NCOR1: variants seen among roughly 807,000 people sequenced by gnomAD.
NCOR1 encodes the protein nuclear receptor corepressor 1.
Under a neutral mutation model 288.1 loss-of-function variants are expected in NCOR1, and 63 were observed. That is an observed-to-expected ratio of 0.22 (90% CI 0.18 to 0.27). NCOR1 has a LOEUF of 0.27. Ranked by LOEUF, NCOR1 falls within the 10% of genes least tolerant of loss-of-function variation. The pLI is 1.00. For missense variants in NCOR1, 2,397 were observed against 3,019.2 expected (o/e 0.79, Z 4.83); for synonymous variants, 1,007 against 1,065.9 (o/e 0.94, Z 1.08).
intron 10 of NCOR1, among the ~76,000 whole-genome samples, chr17:16,145,002 C>A (rs1484913585): frequency 6.6e-6 from 1 of 152,228 alleles, no homozygotes; most frequent in Admixed American, 6.5e-5. Context: ...CTTGCTGCAA[C>A]CTCCCTGCCT....
intron 37 of NCOR1, among the ~76,000 whole-genome samples, chr17:16,059,399 T>C (rs1055443791): frequency 5.9e-5 from 9 of 152,216 alleles, no homozygotes; most frequent in Non-Finnish European, 8.8e-5. Context: ...CAAACATTAA[T>C]AATTTTTTAG....
At chr17:16,040,648 A>AT (rs761392010) in intron 42 of NCOR1, 154 bp from the exon 43 acceptor site, 16,603 of 622,820 alleles carry the variant, frequency 0.027, 106 homozygotes, top group African/African-American at 0.069. Flanking sequence ...AAATGGAAGT[A>AT]TTTTTTTTTT....
rs1268219572 is a variant in NCOR1 at position 16,215,497 on chromosome 17, C to A, written c.-206G>T. 2.5e-6 allele frequency: 1 copy of A among 398,568 alleles called. No homozygotes were observed. Among genetic ancestry groups the A allele is most frequent in the Middle Eastern group, 6.2e-4 (1 of 1,608 alleles). 24.7% of individuals were successfully genotyped at this position (398,568 alleles called of 1,614,324 possible). On this transcript the variant is annotated 5_prime_UTR_variant, in exon 1 of 46. Coordinates refer to ENST00000268712, the MANE Select transcript of NCOR1 (RefSeq NM_006311.4). ...CTCACTCCAGCCGCCGCCGCCGCCG[C>A]GGCTGCTGCTTCGCCACCTTGGCCG...
At chr17:16,035,987 T>C (rs2056276535) in intron 44 of NCOR1, among the ~76,000 whole-genome samples, 1 of 152,246 alleles carries the variant, frequency 6.6e-6, no homozygotes, top group Non-Finnish European at 1.5e-5. Context: ...ATTACAAATG[T>C]CGTTAATAGC....
At chr17:16,156,466 C>A (rs1046363669) in intron 6 of NCOR1, among the ~76,000 whole-genome samples, 64 of 84,300 alleles carry the variant, frequency 7.6e-4, no homozygotes, top group Admixed American at 8.0e-4. Flanking sequence ...AGAAGGAAAG[C>A]GAAAAAAAAA....
chr17:16,038,090 A>G (rs1016958828), intron 44 of NCOR1, among the ~76,000 whole-genome samples: 1 of 152,186 alleles, frequency 6.6e-6, no homozygotes, highest in Non-Finnish European at 1.5e-5. Context: ...TAAGACCTCT[A>G]ATCTCTTTAA....
At position 16,120,797 on chromosome 17, in the gene NCOR1, T is replaced by C. The variant is rs976760663; in HGVS notation, c.1852+255A>G. 8.5e-5 allele frequency among the ~76,000 whole-genome samples: 13 copies of C among 152,168 alleles called. 1 individual carries two copies. The highest frequency in any genetic ancestry group is 1.8e-4 in the Non-Finnish European group (12 of 68,028). On this transcript the variant is annotated intron_variant, in intron 16 of 45. Transcript: ENST00000268712. ...CACAGCCATTAAAAAATAAAAATGGTAATTATTAGAAATTAGAAAATATTT... is the reference window on the plus strand; with the variant it reads ...CACAGCCATTAAAAAATAAAAATGGCAATTATTAGAAATTAGAAAATATTT...
rs201235923 is a variant in NCOR1 at position 16,146,460 on chromosome 17, G to C, written c.998C>G (p.Ala333Gly). ...GTATTCCCTTGTTTTGCTTTCTTTA[G>C]CTTTCCTCCGAGGATTATTTTCTAT... ...DRIENNPRRK[A>G]KESKTREYYE... Residue 333 changes from alanine to glycine, a missense_variant, in exon 10 of 46, where the codon GCT becomes GGT. Ala to Gly is a moderately conservative substitution (Grantham distance 60). This residue lies in a region of NCOR1 where 51 missense variants were observed against 127.6 expected (regional missense o/e 0.40). Transcript: ENST00000268712. 36 of 1,613,440 alleles carry C rather than the reference G, an allele frequency of 2.2e-5. No individual in the cohort carries two copies. The highest frequency in any genetic ancestry group is 1.7e-5 in the Admixed American group (1 of 59,966).
Position 16,139,151 on chromosome 17 carries a change from A to T in NCOR1, c.1209T>A (p.Ile403=). The T allele has an allele frequency of 6.2e-7, 1 of 1,613,340 alleles. No homozygotes were observed. Among genetic ancestry groups the T allele is most frequent in the Non-Finnish European group, 8.5e-7 (1 of 1,179,698 alleles). ...NEKQMRQLSV[I]PPMMFDAEQR... The stretch of plus-strand genomic sequence containing the variant: ...GTTCTGCATCAAACATCATAGGTGG[A>T]ATCACAGAGAGCTGCCGCATTTGTT... The change falls in exon 12 of 46, where the codon ATT becomes ATA. Residue 403 remains isoleucine, a synonymous_variant. Transcript: ENST00000268712.
intron 4 of NCOR1, among the ~76,000 whole-genome samples, chr17:16,168,347 C>A (rs2082431698): frequency 6.6e-6 from 1 of 151,932 alleles, no homozygotes; most frequent in Non-Finnish European, 1.5e-5. Flanking sequence ...ATTACAGGCG[C>A]CTGCCACCAC....
At position 16,061,878 on chromosome 17, in the gene NCOR1, C is replaced by T. The variant is rs1406739125; in HGVS notation, c.5404G>A (p.Gly1802Ser). The change falls in exon 37 of 46, where the codon GGC becomes AGC. Residue 1802 changes from glycine (G) to serine (S), a missense_variant. By Grantham distance (56) the Gly-to-Ser change is moderately conservative (BLOSUM62 0). Transcript: ENST00000268712. ...QLRIMPLPAG[G>S]PSISQGLPAS... ...GGCAGGCCTTGGCTTATTGAAGGGC[C>T]CCCAGCAGGCAGTGGCCTGTAAATA... 2 of 1,608,602 alleles carry T rather than the reference C, an allele frequency of 1.2e-6. No homozygotes were observed. Among genetic ancestry groups the T allele is most frequent in the Non-Finnish European group, 1.7e-6 (2 of 1,176,872 alleles).
chr17:16,140,444 G>A (rs1331378474), intron 11 of NCOR1, among the ~76,000 whole-genome samples: 1 of 152,064 alleles, frequency 6.6e-6, no homozygotes, highest in African/African-American at 2.4e-5. Flanking sequence ...CAGAAGGACT[G>A]CTTGAGCCCA....
chr17:16,104,820 C>T (rs1293012703), intron 19 of NCOR1, among the ~76,000 whole-genome samples: 1 of 151,964 alleles, frequency 6.6e-6, no homozygotes, highest in Non-Finnish European at 1.5e-5. Flanking sequence ...AGTGCAGTGA[C>T]TAAACGACAA....
intron 33 of NCOR1, 40 bp downstream of exon 33, chr17:16,065,445 A>G (rs772977480): frequency 6.3e-7 from 1 of 1,598,278 alleles, no homozygotes; most frequent in South Asian, 1.1e-5. Context: ...CTAGGTAAAC[A>G]TAATAAATTC....
chr17:16,076,071 C>T (rs1481855755), intron 26 of NCOR1, among the ~76,000 whole-genome samples: 7 of 152,198 alleles, frequency 4.6e-5, no homozygotes, highest in Non-Finnish European at 7.4e-5. Flanking sequence ...GCAGTTTTTG[C>T]GTTGTTGAAA....
chr17:16,114,082 G>A (rs1413376931), intron 18 of NCOR1, among the ~76,000 whole-genome samples: 7 of 138,460 alleles, frequency 5.1e-5, no homozygotes, highest in Admixed American at 4.9e-4. Flanking sequence ...GGCTGGGGAG[G>A]CTTCACAATC....
At chr17:16,141,703 T>C (rs139990378) in intron 11 of NCOR1, among the ~76,000 whole-genome samples, 246 of 152,302 alleles carry the variant, frequency 1.6e-3, no homozygotes, top group African/African-American at 5.6e-3. Context: ...TAATTTTTCA[T>C]GAGATCAAGC....
intron 5 of NCOR1, among the ~76,000 whole-genome samples, chr17:16,162,184 T>C (rs1245074437): frequency 1.3e-5 from 2 of 151,888 alleles, no homozygotes; most frequent in Non-Finnish European, 2.9e-5. Flanking sequence ...TGAAGACAGA[T>C]TTGACAGCAG....
chr17:16,183,713 G>T (rs567128979), intron 3 of NCOR1, among the ~76,000 whole-genome samples: 4 of 152,052 alleles, frequency 2.6e-5, no homozygotes, highest in South Asian at 4.2e-4. Context: ...TCCCAATGGG[G>T]TTTTTCACAG....
Sources: allele counts gnomAD v4.1 joint callset (sites outside exome capture counted in the v4.1 genomes callset), GRCh38; gene constraint gnomAD v4.1.1; regional missense constraint gnomAD v4.1.1; transcripts MANE v1.5; gene names NCBI Gene and HGNC (gene_info 2026-07-23, HGNC 2026-07-21).